The following PRKAG2 variants were observed in gnomAD, a reference collection of about 807,000 sequenced individuals.
The protein encoded by PRKAG2 is protein kinase AMP-activated non-catalytic subunit gamma 2.
A neutral mutation model predicts 69.6 loss-of-function variants in PRKAG2; 26 were observed. The ratio of observed to expected loss-of-function variants is 0.37; its 90% CI spans 0.27 to 0.52. The LOEUF (loss-of-function observed/expected upper bound fraction) is 0.52, where lower values mean the gene tolerates loss of function less well. PRKAG2 is among the 20% of genes least tolerant of loss of function. The pLI, the probability that PRKAG2 is intolerant of heterozygous loss-of-function variation, is 0.90. For missense variants in PRKAG2, 557 were observed against 740.0 expected (o/e 0.75, Z 2.87); for synonymous variants, 293 against 285.0 (o/e 1.03, Z -0.28).
intron 3 of PRKAG2, among the ~76,000 whole-genome samples, chr7:151,688,664 T>C (rs958272235): frequency 6.6e-6 from 1 of 152,236 alleles, no homozygotes; most frequent in Admixed American, 6.5e-5. Flanking sequence ...TTGAAATTCC[T>C]GGTTGTTGAC....
At chr7:151,876,471 G>A in intron 1 of PRKAG2, 36 bp downstream of exon 1, 19 of 1,576,140 alleles carry the variant, frequency 1.2e-5, no homozygotes, top group Non-Finnish European at 1.6e-5. Flanking sequence ...AGCGACAGGA[G>A]GGCTGGGGAG....
Position 151,756,744 on chromosome 7 carries a change from C to T in PRKAG2, c.466+24408G>A, listed in dbSNP as rs981385304. On this transcript the variant is annotated intron_variant, in intron 3 of 15. Transcript: ENST00000287878. This position sits in a 1 kb window ranked among gnomAD's most constrained non-coding sequence, Gnocchi z 4.9. The stretch of plus-strand genomic sequence containing the variant: ...GTGGGAAAGGATTTTCCTTACTCAT[C>T]GGTGGGTCGCTTCCCAAACTCTAGT... Among the ~76,000 whole-genome samples, 39 of 152,300 alleles carry T rather than the reference C, an allele frequency of 2.6e-4. No individual in the cohort carries two copies. The highest frequency in any genetic ancestry group is 1.3e-4 in the Non-Finnish European group (9 of 68,024).
Position 151,610,407 on chromosome 7 carries a change from G to A in PRKAG2, c.755-14953C>T, listed in dbSNP as rs144027364. On this transcript the variant is annotated intron_variant, in intron 5 of 15. Coordinates refer to ENST00000287878, the MANE Select transcript of PRKAG2 (RefSeq NM_016203.4). ...AAACATTTTAGTGTGGGCTGGGCGC[G>A]GTGGCTTACGGCTGTAATCCCAGCA... 5.1e-3 allele frequency among the ~76,000 whole-genome samples: 743 copies of A among 145,004 alleles called. 4 individuals carry two copies. Among genetic ancestry groups the A allele is most frequent in the Middle Eastern group, 0.042 (9 of 212 alleles).
intron 3 of PRKAG2, among the ~76,000 whole-genome samples, chr7:151,762,254 C>T (rs1036942626): frequency 6.6e-6 from 1 of 152,198 alleles, no homozygotes; most frequent in Non-Finnish European, 1.5e-5. Context: ...ATCCCCTACA[C>T]GCATCTCCAG....
chr7:151,872,343 C>T (rs1291841301), intron 1 of PRKAG2, among the ~76,000 whole-genome samples: 1 of 152,250 alleles, frequency 6.6e-6, no homozygotes, highest in Non-Finnish European at 1.5e-5. Flanking sequence ...GCCCGTTTCC[C>T]ATCACTCCAC....
intron 3 of PRKAG2, among the ~76,000 whole-genome samples, chr7:151,683,349 G>A (rs1407552663): frequency 6.6e-6 from 1 of 152,192 alleles, no homozygotes; most frequent in Non-Finnish European, 1.5e-5. Context: ...GAAGCCCCAA[G>A]CTCTAGGTCT....
chr7:151,738,731 A>C (rs1362869352), intron 3 of PRKAG2, among the ~76,000 whole-genome samples: 1 of 152,354 alleles, frequency 6.6e-6, no homozygotes, highest in South Asian at 2.1e-4. Flanking sequence ...AACAATGCTA[A>C]TTATTGGTTT....
At chr7:151,576,743 C>T (rs892819556) in intron 6 of PRKAG2, among the ~76,000 whole-genome samples, 2 of 152,040 alleles carry the variant, frequency 1.3e-5, no homozygotes, top group Non-Finnish European at 2.9e-5. Flanking sequence ...TCAAGTGATC[C>T]ATCCACCTCG....
rs187491328 is a variant in PRKAG2 at position 151,676,552 on chromosome 7, T to A, written c.467-915A>T. The stretch of plus-strand genomic sequence containing the variant: ...TTAAAGGTTCTCCACTTTGACTTAT[T>A]TCTAACTAACAGAAACAACTCTATT... On this transcript the variant is annotated intron_variant, in intron 3 of 15. Transcript: ENST00000287878. Among the ~76,000 whole-genome samples the A allele has an allele frequency of 2.0e-5, 3 of 152,314 alleles. No homozygotes were observed. In the East Asian group the frequency reaches 5.8e-4, roughly 29 times the overall value.
intron 4 of PRKAG2, among the ~76,000 whole-genome samples, chr7:151,670,128 A>C (rs1177554989): frequency 6.9e-6 from 1 of 145,734 alleles, no homozygotes; most frequent in Non-Finnish European, 1.5e-5. Context: ...ACACACTTGC[A>C]TGCACACACA....
At chr7:151,796,305 CCAGGGCCCAGTGAGACACCCA>C (rs2077532331) in intron 1 of PRKAG2, among the ~76,000 whole-genome samples, 1 of 152,118 alleles carries the variant, frequency 6.6e-6, no homozygotes, top group Non-Finnish European at 1.5e-5. Flanking sequence ...CTCACTTTGC[CCAGGGCCCAGTGAGACACCCA>C]CAGGCCCCAG....
chr7:151,855,566 A>C (rs957948460), intron 1 of PRKAG2, among the ~76,000 whole-genome samples: 5 of 148,820 alleles, frequency 3.4e-5, no homozygotes. Flanking sequence ...GCCACCCTCC[A>C]CACACCACCC....
Position 151,632,092 on chromosome 7 carries a change from T to C in PRKAG2, c.731A>G (p.Glu244Gly). The C allele has an allele frequency of 7.1e-7, 1 of 1,416,740 alleles. No homozygotes were observed. Among genetic ancestry groups the C allele is most frequent in the Non-Finnish European group, 9.3e-7 (1 of 1,071,316 alleles). 87.8% of individuals were successfully genotyped at this position (1,416,740 alleles called of 1,614,324 possible). The part of the protein sequence containing the change: ...ALGPAEAGML[E>G]KLEFEDEAVE... ...ACCTTCGTCCTCGAACTCCAGCTTC[T>C]CCAGCATGCCGGCTTCCGCGGGTCC... The change falls in exon 5 of 16, where the codon GAG becomes GGG. Residue 244 changes from glutamate to glycine, a missense_variant. Transcript: ENST00000287878. The surrounding 1 kb of genome is among the most constrained non-coding windows in gnomAD (Gnocchi z 4.2).
In PRKAG2 at chr7:151,614,956, G is replaced by A. The variant is rs952639139; in HGVS notation, c.754+17113C>T. Among the ~76,000 whole-genome samples, 5 of 152,056 alleles carry A rather than the reference G, an allele frequency of 3.3e-5. No individual in the cohort carries two copies. Among genetic ancestry groups the A allele is most frequent in the South Asian group, 2.1e-4 (1 of 4,824 alleles). ...TGGATCTAGAGGGAACCTCGAGAGAGGAGCCGTATGGATCCAGAGGGAACC... is the reference window on the plus strand; with the variant it reads ...TGGATCTAGAGGGAACCTCGAGAGAAGAGCCGTATGGATCCAGAGGGAACC... On this transcript the variant is annotated intron_variant, in intron 5 of 15. Coordinates refer to ENST00000287878, the MANE Select transcript of PRKAG2 (RefSeq NM_016203.4). This position sits in a 1 kb window ranked among gnomAD's most constrained non-coding sequence, Gnocchi z 4.4.
intron 3 of PRKAG2, among the ~76,000 whole-genome samples, 167 bp from the exon 4 acceptor site, chr7:151,675,804 T>C (rs918266965): frequency 1.3e-5 from 2 of 152,104 alleles, no homozygotes; most frequent in Admixed American, 1.3e-4. Context: ...GGAAGGGACA[T>C]TGGAGGTGGT....
Position 151,807,546 on chromosome 7 carries a change from G to A in PRKAG2, c.115-21005C>T, listed in dbSNP as rs1359295172. On this transcript the variant is annotated intron_variant, in intron 1 of 15. Transcript: ENST00000287878. This position sits in a 1 kb window ranked among gnomAD's most constrained non-coding sequence, Gnocchi z 4.4. ...CCTACGAGCTGAAATGGCCAGCACTGCGCCTTCCAGAACCCAGCGTAGATG... is the reference window on the plus strand; with the variant it reads ...CCTACGAGCTGAAATGGCCAGCACTACGCCTTCCAGAACCCAGCGTAGATG... 2.2e-6 allele frequency: 1 copy of A among 457,726 alleles called. No homozygotes were observed. The highest frequency in any genetic ancestry group is 4.4e-6 in the Non-Finnish European group (1 of 226,984). The allele number at this position is 457,726 out of a possible 1,614,324, so 28.4% of individuals were successfully genotyped here. A position where few individuals can be genotyped will look rare whatever the true frequency, so the allele number is the denominator to read the frequency against.
Position 151,780,238 on chromosome 7 carries a change from G to A in PRKAG2, c.466+914C>T, listed in dbSNP as rs1351392802. ...CCACTGCTGCCTGATGGAAGAGTTC[G>A]AAGTCAGAAACACCGAAATTCCCCT... On this transcript the variant is annotated intron_variant, in intron 3 of 15. Transcript: ENST00000287878. The surrounding 1 kb of genome is among the most constrained non-coding windows in gnomAD (Gnocchi z 4.2). Among the ~76,000 whole-genome samples the A allele has an allele frequency of 1.3e-5, 2 of 152,212 alleles. No individual in the cohort carries two copies. The highest frequency in any genetic ancestry group is 2.1e-4 in the South Asian group (1 of 4,836).
At chr7:151,602,769 G>A (rs1816428935) in intron 5 of PRKAG2, among the ~76,000 whole-genome samples, 1 of 152,024 alleles carries the variant, frequency 6.6e-6, no homozygotes. Flanking sequence ...GGAGGTGATT[G>A]GATCATGGGG....
chr7:151,751,783 G>C (rs1244120841), intron 3 of PRKAG2, among the ~76,000 whole-genome samples: 1 of 152,122 alleles, frequency 6.6e-6, no homozygotes, highest in Non-Finnish European at 1.5e-5. Context: ...AAAGTGCTGG[G>C]ATTACATGTG....
Sources: allele counts gnomAD v4.1 joint callset (sites outside exome capture counted in the v4.1 genomes callset), GRCh38; gene constraint gnomAD v4.1.1; non-coding constraint Gnocchi (gnomAD v3.1); transcripts MANE v1.5; gene names NCBI Gene and HGNC (gene_info 2026-07-23, HGNC 2026-07-21).